The following STARD13 variants were observed in gnomAD, a reference collection of about 807,000 sequenced individuals.
STARD13 encodes the protein stAR-related lipid transfer protein 13.
A neutral mutation model predicts 106.4 loss-of-function variants in STARD13; 62 were observed. The ratio of observed to expected loss-of-function variants is 0.58; its 90% CI spans 0.48 to 0.72. The LOEUF (loss-of-function observed/expected upper bound fraction) is 0.72. Ranked by LOEUF, STARD13 falls within the 30% of genes least tolerant of loss-of-function variation. STARD13 has a pLI of 0.00. For synonymous variants in STARD13, 565 were observed against 553.0 expected (o/e 1.02, Z -0.31); for missense variants, 1,387 against 1,424.0 (o/e 0.97, Z 0.42).
Position 33,330,247 on chromosome 13 carries a change from C to T in STARD13, c.124+20043G>A, listed in dbSNP as rs113088564. On this transcript the variant is annotated intron_variant, in intron 1 of 5. Transcript: ENST00000567873. ...GGTTCTACTTTCTCCACATCTTTGCCGACATTTGCTATCTTTTATCTTTTT... is the reference window on the plus strand; with the variant it reads ...GGTTCTACTTTCTCCACATCTTTGCTGACATTTGCTATCTTTTATCTTTTT... Among the ~76,000 whole-genome samples the T allele has an allele frequency of 4.1e-3, 618 of 152,190 alleles. 2 individuals carry two copies. The highest frequency in any genetic ancestry group is 0.014 in the African/African-American group (577 of 41,534).
At chr13:33,633,340 C>T in the STARD13 span, among the ~76,000 whole-genome samples, 2 of 152,136 alleles carry the variant, frequency 1.3e-5, no homozygotes, top group African/African-American at 4.8e-5. Flanking sequence ...TAAATGGAAT[C>T]GTAGATCATC....
At chr13:33,606,594 C>A in the STARD13 span, among the ~76,000 whole-genome samples, 3 of 151,906 alleles carry the variant, frequency 2.0e-5, no homozygotes, top group Non-Finnish European at 4.4e-5. Flanking sequence ...ATAATTACTG[C>A]CTTAACAGAA....
intron 1 of STARD13, among the ~76,000 whole-genome samples, chr13:33,282,455 T>G (rs1416067438): frequency 6.6e-6 from 1 of 152,182 alleles, no homozygotes; most frequent in African/African-American, 2.4e-5. Context: ...CATGAGTGTA[T>G]CTGCTATTGA....
chr13:33,363,741 T>C, the STARD13 span, among the ~76,000 whole-genome samples: 1 of 152,218 alleles, frequency 6.6e-6, no homozygotes, highest in Admixed American at 6.5e-5. Context: ...CTACATTGGA[T>C]TGAAACCCTC....
chr13:33,616,263 G>A, the STARD13 span, among the ~76,000 whole-genome samples: 3 of 151,440 alleles, frequency 2.0e-5, no homozygotes, highest in Middle Eastern at 3.2e-3. Flanking sequence ...AGAAGGGAAG[G>A]GGAGCAGGGA....
the STARD13 span, among the ~76,000 whole-genome samples, chr13:33,650,686 T>G: frequency 1.3e-5 from 2 of 152,222 alleles, no homozygotes; most frequent in Non-Finnish European, 2.9e-5. Context: ...AATGTGTGTG[T>G]CCCTCCAAAA....
chr13:33,121,666 A>T (rs770118854), intron 7 of STARD13, among the ~76,000 whole-genome samples: 1 of 109,408 alleles, frequency 9.1e-6, no homozygotes, highest in Non-Finnish European at 1.9e-5. Context: ...CCTGTTGTTC[A>T]TCCTTTTTTT....
chr13:33,233,193 G>A (rs533819632), intron 1 of STARD13, among the ~76,000 whole-genome samples: 3 of 152,296 alleles, frequency 2.0e-5, no homozygotes, highest in African/African-American at 2.4e-5. Flanking sequence ...TTAAATCCTC[G>A]GATTGGACTG....
At chr13:33,576,575 T>C in the STARD13 span, among the ~76,000 whole-genome samples, 1 of 152,146 alleles carries the variant, frequency 6.6e-6, no homozygotes, top group African/African-American at 2.4e-5. Flanking sequence ...TAAATTAATC[T>C]GCCTTTGATT....
the STARD13 span, among the ~76,000 whole-genome samples, chr13:33,612,145 T>A: frequency 6.6e-6 from 1 of 152,148 alleles, no homozygotes; most frequent in African/African-American, 2.4e-5. Flanking sequence ...TGAACTAAAG[T>A]AGAACTATTG....
At chr13:33,601,617 G>A in the STARD13 span, among the ~76,000 whole-genome samples, 1 of 152,194 alleles carries the variant, frequency 6.6e-6, no homozygotes, top group Non-Finnish European at 1.5e-5. Flanking sequence ...CAAGAAAGCT[G>A]AATTTCTGCG....
chr13:33,512,655 G>T, the STARD13 span, among the ~76,000 whole-genome samples: 1 of 152,056 alleles, frequency 6.6e-6, no homozygotes, highest in Non-Finnish European at 1.5e-5. Context: ...TTTTAGTAGA[G>T]ATGGGGTTTC....
At position 33,184,055 on chromosome 13, in the gene STARD13, G is replaced by A. The variant is rs571600848; in HGVS notation, c.170-16433C>T. Reference sequence around the variant, plus strand: ...AGTTTTTTGGGGCACTGAACTAGTCGGGCCTGCCTATAAAGCCTTTCTCTC... The same window carrying A: ...AGTTTTTTGGGGCACTGAACTAGTCAGGCCTGCCTATAAAGCCTTTCTCTC... On this transcript the variant is annotated intron_variant, in intron 1 of 13. Transcript: ENST00000336934. 7.2e-5 allele frequency among the ~76,000 whole-genome samples: 11 copies of A among 152,234 alleles called. No individual in the cohort carries two copies. The East Asian group carries it at 2.1e-3, about 29-fold the overall frequency.
At chr13:33,132,586 C>T (rs920860183) in intron 4 of STARD13, among the ~76,000 whole-genome samples, 1 of 152,176 alleles carries the variant, frequency 6.6e-6, no homozygotes, top group Non-Finnish European at 1.5e-5. Flanking sequence ...TACAGTGGCT[C>T]ACGCCTGTAA....
chr13:33,534,174 A>G, the STARD13 span, among the ~76,000 whole-genome samples: 4,216 of 152,252 alleles, frequency 0.028, 197 homozygotes, highest in African/African-American at 0.094. Flanking sequence ...CACTTTTTCT[A>G]TACTCTCAGA....
chr13:33,483,844 T>C, the STARD13 span, among the ~76,000 whole-genome samples: 1 of 152,224 alleles, frequency 6.6e-6, no homozygotes, highest in Non-Finnish European at 1.5e-5. Flanking sequence ...CTGCAAGCAA[T>C]GGGACCTAGA....
At chr13:33,592,507 G>A in the STARD13 span, among the ~76,000 whole-genome samples, 1 of 152,170 alleles carries the variant, frequency 6.6e-6, no homozygotes, top group African/African-American at 2.4e-5. Flanking sequence ...ACTGTTTACA[G>A]GAGAATGAGA....
At chr13:33,376,267 A>G in the STARD13 span, among the ~76,000 whole-genome samples, 3 of 152,188 alleles carry the variant, frequency 2.0e-5, 1 homozygote, top group Non-Finnish European at 2.9e-5. Context: ...GCAAATGTCA[A>G]TTATATGCCA....
the STARD13 span, among the ~76,000 whole-genome samples, chr13:33,586,544 T>C: frequency 6.6e-6 from 1 of 152,220 alleles, no homozygotes; most frequent in Non-Finnish European, 1.5e-5. Flanking sequence ...CTATTACTTA[T>C]GGCTGGATAA....
Sources: allele counts gnomAD v4.1 joint callset (sites outside exome capture counted in the v4.1 genomes callset), GRCh38; gene constraint gnomAD v4.1.1; transcripts MANE v1.5; gene names NCBI Gene and HGNC (gene_info 2026-07-23, HGNC 2026-07-21).